Variants in FBXL20 observed in about 807,000 individuals in gnomAD.
FBXL20 encodes the protein F-box/LRR-repeat protein 20.
Under a neutral mutation model 64.0 loss-of-function variants are expected in FBXL20, and 11 were observed. The observed-to-expected ratio is 0.17, with a 90% CI of 0.11 to 0.28. The LOEUF (loss-of-function observed/expected upper bound fraction) is 0.28, where lower values mean the gene tolerates loss of function less well. FBXL20 is among the 10% of genes least tolerant of loss of function. The pLI, the probability that FBXL20 is intolerant of heterozygous loss-of-function variation, is 1.00. For synonymous variants in FBXL20, 184 were observed against 189.0 expected (o/e 0.97, Z 0.22); for missense variants, 303 against 526.2 (o/e 0.58, Z 4.15).
intron 1 of FBXL20, among the ~76,000 whole-genome samples, chr17:39,383,342 C>G (rs894968040): frequency 6.6e-6 from 1 of 151,904 alleles, no homozygotes; most frequent in Non-Finnish European, 1.5e-5. Context: ...AAACCTTGGT[C>G]GGGTATGATG....
At chr17:39,375,988 G>A (rs1311839082) in intron 1 of FBXL20, among the ~76,000 whole-genome samples, 21 of 152,020 alleles carry the variant, frequency 1.4e-4, no homozygotes, top group Non-Finnish European at 8.8e-5. Context: ...GCATGGTGGC[G>A]GGCACCTGTA....
rs375557520 is a variant in FBXL20 at position 39,327,843 on chromosome 17, G to A, written c.104+15337C>T. ...AGCCTTCCGAGTAGCTGGGACTATA[G>A]GCGCCTGCCACCACGCCCGGGTAAC... is the stretch of plus-strand genomic sequence containing the variant. On this transcript the variant is annotated intron_variant, in intron 2 of 14. Transcript: ENST00000264658. 1.9e-4 allele frequency among the ~76,000 whole-genome samples: 29 copies of A among 152,150 alleles called. No individual in the cohort carries two copies. The East Asian group carries it at 2.5e-3, about 13-fold the overall frequency.
intron 1 of FBXL20, among the ~76,000 whole-genome samples, chr17:39,396,105 A>G (rs532754889): frequency 2.7e-5 from 4 of 149,076 alleles, no homozygotes; most frequent in East Asian, 2.0e-4. Context: ...TTTCAGCCTT[A>G]ACGGTGTATT....
intron 1 of FBXL20, among the ~76,000 whole-genome samples, chr17:39,376,899 A>G (rs1399504949): frequency 1.3e-5 from 2 of 152,148 alleles, no homozygotes; most frequent in East Asian, 1.9e-4. Context: ...TGAGACAGTG[A>G]AAGAGATCTA....
intron 13 of FBXL20, 85 bp downstream of exon 13, chr17:39,265,312 G>T: frequency 1.9e-6 from 2 of 1,025,642 alleles, no homozygotes; most frequent in South Asian, 1.5e-5. Context: ...ATGGTAGCCA[G>T]ACACTAAGAG....
chr17:39,315,393 T>TTATATATATATATA lies in FBXL20; in HGVS notation c.105-11768_105-11755dup, dbSNP rs59563317. On this transcript the variant is annotated intron_variant, in intron 2 of 14. Coordinates refer to ENST00000264658, the MANE Select transcript of FBXL20 (RefSeq NM_032875.3). The stretch of plus-strand genomic sequence containing the variant: ...TATTAATGGGCAAAGTTTAAATAAT[T>TTATATATATATATA]TATATATATATATATATATAGTACA... Among the ~76,000 whole-genome samples, 1,182 of 134,496 alleles carry TTATATATATATATA rather than the reference T, an allele frequency of 8.8e-3. 17 individuals are homozygous for TTATATATATATATA. Among genetic ancestry groups the TTATATATATATATA allele is most frequent in the African/African-American group, 0.027 (932 of 33,900 alleles). 88.2% of individuals were successfully genotyped at this position (134,496 alleles called of 152,430 possible). A position where few individuals can be genotyped will look rare whatever the true frequency, so the allele number is the denominator to read the frequency against.
chr17:39,294,278 T>G (rs1052891103), intron 6 of FBXL20, among the ~76,000 whole-genome samples: 4 of 151,846 alleles, frequency 2.6e-5, no homozygotes, highest in Admixed American at 6.6e-5. Flanking sequence ...CCTGGCTGCT[T>G]CTTTATTATT....
rs2046682020 is a variant in FBXL20, at chr17:39,254,987, T to G, written c.*6473A>C. The G allele has an allele frequency of 6.6e-6, 1 of 152,504 alleles. No individual in the cohort carries two copies. Among genetic ancestry groups the G allele is most frequent in the Non-Finnish European group, 1.5e-5 (1 of 68,188 alleles). 9.4% of individuals were successfully genotyped at this position (152,504 alleles called of 1,614,324 possible). A position where few individuals can be genotyped will look rare whatever the true frequency, so the allele number is the denominator to read the frequency against. On this transcript the variant is annotated 3_prime_UTR_variant, in exon 15 of 15. Transcript: ENST00000264658. ...GGAAGAAGCGCATATGGACTTTCTC[T>G]TAACATCCCACAGGGGAGCTTGCCC...
chr17:39,258,148 G>C lies in FBXL20; in HGVS notation c.*3312C>G, dbSNP rs965222385. 6.6e-6 allele frequency: 1 copy of C among 152,028 alleles called. No individual in the cohort carries two copies. Among genetic ancestry groups the C allele is most frequent in the Non-Finnish European group, 1.5e-5 (1 of 68,000 alleles). The allele number at this position is 152,028 out of a possible 1,614,324, so 9.4% of individuals were successfully genotyped here. A position where few individuals can be genotyped will look rare whatever the true frequency, so the allele number is the denominator to read the frequency against. The stretch of plus-strand genomic sequence containing the variant: ...TTTCCATTATAAAAGGCATATTTTG[G>C]AGTGGCTATGAGGTTAGACAAACAG... On this transcript the variant is annotated 3_prime_UTR_variant, in exon 15 of 15. Coordinates refer to ENST00000264658, the MANE Select transcript of FBXL20 (RefSeq NM_032875.3).
At chr17:39,304,729 C>A (rs2047166135) in intron 2 of FBXL20, among the ~76,000 whole-genome samples, 1 of 152,078 alleles carries the variant, frequency 6.6e-6, no homozygotes, top group South Asian at 2.1e-4. Flanking sequence ...ATAGCTGGGA[C>A]TAAAGGCGCA....
chr17:39,358,149 T>C (rs922504183), intron 1 of FBXL20, among the ~76,000 whole-genome samples: 9 of 152,106 alleles, frequency 5.9e-5, no homozygotes, highest in Non-Finnish European at 1.2e-4. Context: ...AGCTCTGATG[T>C]CCAAGGAAAA....
chr17:39,307,037 A>G (rs2047189566), intron 2 of FBXL20, among the ~76,000 whole-genome samples: 1 of 152,226 alleles, frequency 6.6e-6, no homozygotes, highest in Admixed American at 6.5e-5. Context: ...GGATAGGTGG[A>G]TACAAAAGGG....
At chr17:39,279,823 G>A (rs1349584080) in intron 9 of FBXL20, among the ~76,000 whole-genome samples, 2 of 151,930 alleles carry the variant, frequency 1.3e-5, no homozygotes, top group East Asian at 1.9e-4. Context: ...ACTTGAGCCC[G>A]GGAGGTGAAG....
At chr17:39,401,286 G>C (rs1429059513) in intron 1 of FBXL20, 75 bp downstream of exon 1, 2 of 1,607,962 alleles carry the variant, frequency 1.2e-6, no homozygotes, top group Non-Finnish European at 1.7e-6. Flanking sequence ...AGGAGGCTCC[G>C]TGCGGAGCGG....
chr17:39,346,866 C>A (rs1181661021), intron 1 of FBXL20, among the ~76,000 whole-genome samples: 1 of 146,606 alleles, frequency 6.8e-6, no homozygotes, highest in Non-Finnish European at 1.5e-5. Flanking sequence ...CAACAGGTCC[C>A]GGTGTGTGAT....
At chr17:39,384,441 C>T (rs547715871) in intron 1 of FBXL20, among the ~76,000 whole-genome samples, 1 of 151,922 alleles carries the variant, frequency 6.6e-6, no homozygotes, top group South Asian at 2.1e-4. Context: ...AGGAGAATCG[C>T]TTCAACCCGG....
At chr17:39,313,159 C>T (rs1163824400) in intron 2 of FBXL20, among the ~76,000 whole-genome samples, 2 of 151,660 alleles carry the variant, frequency 1.3e-5, no homozygotes, top group East Asian at 1.9e-4. Flanking sequence ...CCTCATGATC[C>T]GCCTGCCTTG....
chr17:39,345,602 A>G (rs6503502), intron 1 of FBXL20, among the ~76,000 whole-genome samples: 57,725 of 151,820 alleles, frequency 0.38, 14,095 homozygotes, highest in African/African-American at 0.7. Context: ...GTGCAATAGC[A>G]CAATCTCAGA....
At chr17:39,281,916 G>T (rs762734152) in intron 8 of FBXL20, among the ~76,000 whole-genome samples, 4 of 152,172 alleles carry the variant, frequency 2.6e-5, no homozygotes, top group Non-Finnish European at 4.4e-5. Context: ...TGCTTACAGT[G>T]CTGAGAACAG....
Sources: allele counts gnomAD v4.1 joint callset (sites outside exome capture counted in the v4.1 genomes callset), GRCh38; gene constraint gnomAD v4.1.1; transcripts MANE v1.5; gene names NCBI Gene and HGNC (gene_info 2026-07-23, HGNC 2026-07-21).